GRM7: variants seen among roughly 807,000 people sequenced by gnomAD.
GRM7 encodes the protein metabotropic glutamate receptor 7.
A neutral mutation model predicts 84.5 loss-of-function variants in GRM7; 35 were observed. That is an observed-to-expected ratio of 0.41 (90% confidence interval 0.32 to 0.55). GRM7 has a LOEUF of 0.55. GRM7 is among the 20% of genes least tolerant of loss of function. GRM7 has a pLI of 0.19. For synonymous variants in GRM7, 487 were observed against 455.1 expected, an observed-to-expected ratio of 1.07 and a Z score of -0.89; for missense variants, 1,003 against 1,194.6, an observed-to-expected ratio of 0.84 and a Z score of 2.36.
chr3:6,983,168 G>A (rs1220675533), intron 1 of GRM7, among the ~76,000 whole-genome samples: 1 of 152,118 alleles, frequency 6.6e-6, no homozygotes, highest in East Asian at 1.9e-4. Flanking sequence ...AAGCAACATA[G>A]GCTGGAAAAT....
chr3:7,250,060 A>G (rs1697923395), intron 2 of GRM7, among the ~76,000 whole-genome samples: 1 of 152,214 alleles, frequency 6.6e-6, no homozygotes, highest in Admixed American at 6.5e-5. Context: ...ATGTGAGGCT[A>G]GGAAATGTAG....
chr3:7,086,284 A>G (rs911774597), intron 1 of GRM7, among the ~76,000 whole-genome samples: 3 of 152,134 alleles, frequency 2.0e-5, no homozygotes, highest in Admixed American at 6.6e-5. Context: ...ATTAATATGC[A>G]TGAGGGTATA....
intron 1 of GRM7, among the ~76,000 whole-genome samples, chr3:6,962,453 C>A (rs1050781211): frequency 6.6e-6 from 1 of 151,968 alleles, no homozygotes; most frequent in African/African-American, 2.4e-5. Flanking sequence ...AAAGGTGGCC[C>A]ACATACAAAA....
intron 1 of GRM7, among the ~76,000 whole-genome samples, chr3:7,105,052 C>G (rs895263447): frequency 3.3e-4 from 50 of 151,754 alleles, no homozygotes; most frequent in African/African-American, 1.1e-3. Context: ...TTCTCCTTTA[C>G]TAGTAGGTAC....
intron 8 of GRM7, among the ~76,000 whole-genome samples, chr3:7,656,639 G>GTTAAAGTCTC (rs896416350): frequency 6.6e-6 from 1 of 151,674 alleles, no homozygotes; most frequent in Non-Finnish European, 1.5e-5. Flanking sequence ...GGGTAGGGAG[G>GTTAAAGTCTC]TTAAAGTCTC....
intron 3 of GRM7, among the ~76,000 whole-genome samples, chr3:7,299,781 A>G (rs1270510223): frequency 6.6e-6 from 1 of 152,120 alleles, no homozygotes; most frequent in Non-Finnish European, 1.5e-5. Context: ...TTTATTTTAC[A>G]TAGGTACTGT....
intron 7 of GRM7, among the ~76,000 whole-genome samples, chr3:7,493,915 A>G (rs1347192680): frequency 1.3e-5 from 2 of 152,010 alleles, no homozygotes; most frequent in African/African-American, 2.4e-5. Flanking sequence ...ACATTTTATT[A>G]TTTTTGTGAA....
chr3:7,362,723 GT>G (rs1258081626), intron 4 of GRM7, among the ~76,000 whole-genome samples: 1 of 152,054 alleles, frequency 6.6e-6, no homozygotes, highest in Non-Finnish European at 1.5e-5. Flanking sequence ...ATACTTTCAA[GT>G]TTATGTGTGG....
At chr3:7,136,069 C>G (rs552087931) in intron 1 of GRM7, among the ~76,000 whole-genome samples, 1 of 152,202 alleles carries the variant, frequency 6.6e-6, no homozygotes, top group East Asian at 1.9e-4. Context: ...TTAAACTTGA[C>G]TCAATCTTGT....
rs140207585 is a variant in GRM7 at position 7,467,569 on chromosome 3, T to A, written c.1515+5847T>A. Among the ~76,000 whole-genome samples, 229 of 152,244 alleles carry A rather than the reference T, an allele frequency of 1.5e-3. 1 individual carries two copies. Among genetic ancestry groups the A allele is most frequent in the African/African-American group, 5.4e-3 (223 of 41,560 alleles). ...CCAATCTGAGACATCAACATGCTCT[T>A]CTTGGAGGCGGTTGCTTCCTAGGGA... On this transcript the variant is annotated intron_variant, in intron 7 of 9. Coordinates refer to ENST00000357716, the MANE Select transcript of GRM7 (RefSeq NM_000844.4).
intron 7 of GRM7, among the ~76,000 whole-genome samples, chr3:7,551,369 C>T (rs1693464206): frequency 6.6e-6 from 1 of 152,104 alleles, no homozygotes; most frequent in Non-Finnish European, 1.5e-5. Flanking sequence ...TTTTCACACC[C>T]TGTGGGAATT....
chr3:7,203,056 G>A (rs1412903104), intron 2 of GRM7, among the ~76,000 whole-genome samples: 1 of 152,082 alleles, frequency 6.6e-6, no homozygotes, highest in East Asian at 1.9e-4. Context: ...TCTATGTGTT[G>A]GTATCATTTC....
At chr3:7,164,844 A>G (rs1574979464) in intron 2 of GRM7, among the ~76,000 whole-genome samples, 1 of 152,226 alleles carries the variant, frequency 6.6e-6, no homozygotes, top group East Asian at 1.9e-4. Flanking sequence ...TCAAAGGCAG[A>G]GTCTAGGAGA....
intron 1 of GRM7, among the ~76,000 whole-genome samples, chr3:6,985,645 G>A (rs972519112): frequency 6.6e-6 from 1 of 152,190 alleles, no homozygotes; most frequent in Non-Finnish European, 1.5e-5. Flanking sequence ...GTAGACGCTG[G>A]ATGTGAATCC....
chr3:7,075,962 T>C (rs1318022501), intron 1 of GRM7, among the ~76,000 whole-genome samples: 1 of 152,022 alleles, frequency 6.6e-6, no homozygotes, highest in Admixed American at 6.6e-5. Context: ...TATCCCTCCA[T>C]GCCAAATTCT....
rs146973152 is a variant in GRM7 at position 6,961,018 on chromosome 3, G to A, written c.519+99111G>A. 2.7e-4 allele frequency among the ~76,000 whole-genome samples: 41 copies of A among 152,046 alleles called. No homozygotes were observed. In the East Asian group the frequency reaches 3.7e-3, roughly 14 times the overall value. ...CTTCTGTTTTTCTCTCACTATTTTT[G>A]TCCTTATTTCTGGTGATTTCAAAAT... is the stretch of plus-strand genomic sequence containing the variant. On this transcript the variant is annotated intron_variant, in intron 1 of 9. Coordinates refer to ENST00000357716, the MANE Select transcript of GRM7 (RefSeq NM_000844.4).
chr3:7,133,974 C>T (rs1477204135), intron 1 of GRM7, among the ~76,000 whole-genome samples: 1 of 152,142 alleles, frequency 6.6e-6, no homozygotes, highest in Non-Finnish European at 1.5e-5. Flanking sequence ...CTCTAATCTA[C>T]AGATGATCTC....
At chr3:7,285,870 C>T (rs1260321791) in intron 2 of GRM7, among the ~76,000 whole-genome samples, 4 of 152,054 alleles carry the variant, frequency 2.6e-5, no homozygotes, top group Admixed American at 6.6e-5. Context: ...TGAAGCCCAA[C>T]GTGATTTTAA....
At chr3:6,961,928 C>A (rs759971269) in intron 1 of GRM7, among the ~76,000 whole-genome samples, 6 of 152,084 alleles carry the variant, frequency 3.9e-5, no homozygotes, top group East Asian at 1.9e-4. Flanking sequence ...ATAAAATAAA[C>A]TAACTACAAA....
Sources: allele counts gnomAD v4.1 joint callset (sites outside exome capture counted in the v4.1 genomes callset), GRCh38; gene constraint gnomAD v4.1.1; transcripts MANE v1.5; gene names NCBI Gene and HGNC (gene_info 2026-07-23, HGNC 2026-07-21).